Variants in CNKSR3 observed in about 807,000 individuals in gnomAD.
CNKSR3 encodes CNKSR family member 3.
CNKSR3 carries 36 observed loss-of-function variants against 67.7 expected under a neutral mutation model. The ratio of observed to expected loss-of-function variants is 0.53; its 90% CI spans 0.41 to 0.70. CNKSR3 has a LOEUF of 0.70. Ranked by LOEUF, CNKSR3 falls within the 30% of genes least tolerant of loss-of-function variation. The pLI is 0.00. For missense variants in CNKSR3, 630 were observed against 695.2 expected (o/e 0.91, Z 1.05); for synonymous variants, 281 against 271.4 (o/e 1.04, Z -0.35).
intron 1 of CNKSR3, among the ~76,000 whole-genome samples, chr6:154,464,075 T>TC (rs1786141350): frequency 1.3e-5 from 2 of 152,202 alleles, no homozygotes; most frequent in South Asian, 4.1e-4. Context: ...CATGATAAGA[T>TC]CATACGAGGC....
At chr6:154,448,197 G>GA (rs1582868941) in intron 2 of CNKSR3, among the ~76,000 whole-genome samples, 1 of 151,906 alleles carries the variant, frequency 6.6e-6, no homozygotes, top group East Asian at 1.9e-4. Context: ...TAGAGAAGAG[G>GA]AAAAAGCAAA....
At chr6:154,468,393 T>TACACACACACACACAC (rs55806681) in intron 1 of CNKSR3, among the ~76,000 whole-genome samples, 121 of 137,316 alleles carry the variant, frequency 8.8e-4, no homozygotes, top group African/African-American at 1.1e-3. Flanking sequence ...ATATATTTTA[T>TACACACACACACACAC]ACACACACAC....
chr6:154,428,175 T>G lies in CNKSR3; in HGVS notation c.682A>C (p.Lys228Gln). The part of the protein sequence containing the change: ...KPGEGLGMYI[K>Q]STYDGLHVIT... The stretch of plus-strand genomic sequence containing the variant: ...ACGTGTAACCCATCATAGGTTGATT[T>G]GATGTACATGCCCTGGAGTGAATCA... The change falls in exon 7 of 13, where the codon AAA (lysine) becomes CAA (glutamine). Residue 228 changes from lysine to glutamine, a missense_variant. Transcript: ENST00000607772. The G allele has an allele frequency of 6.2e-7, 1 of 1,608,536 alleles. No individual in the cohort carries two copies. The highest frequency in any genetic ancestry group is 8.5e-7 in the Non-Finnish European group (1 of 1,174,876).
chr6:154,448,447 A>AG (rs1310967147), intron 2 of CNKSR3, among the ~76,000 whole-genome samples: 2 of 151,750 alleles, frequency 1.3e-5, no homozygotes, highest in African/African-American at 4.8e-5. Flanking sequence ...AAAAAAAAAA[A>AG]AAAGAAAATA....
rs1784732747 is a variant in CNKSR3, at chr6:154,402,869, A to T, written c.*3485T>A. Reference sequence around the variant, plus strand: ...ATATTTATACACACACATACAAAGTATGTGCCCTGCTTAGTAGTTTAATTA... The same window carrying T: ...ATATTTATACACACACATACAAAGTTTGTGCCCTGCTTAGTAGTTTAATTA... On this transcript the variant is annotated 3_prime_UTR_variant, in exon 13 of 13. Coordinates refer to ENST00000607772, the MANE Select transcript of CNKSR3 (RefSeq NM_173515.4). 3 of 152,336 alleles carry T rather than the reference A, an allele frequency of 2.0e-5. No individual in the cohort carries two copies. The South Asian group carries it at 6.2e-4, about 32-fold the overall frequency. 9.4% of individuals were successfully genotyped at this position (152,336 alleles called of 1,614,324 possible).
intron 1 of CNKSR3, among the ~76,000 whole-genome samples, chr6:154,505,553 A>G (rs1166778583): frequency 6.7e-6 from 1 of 148,318 alleles, no homozygotes; most frequent in Non-Finnish European, 1.5e-5. Flanking sequence ...GCTGGAGTGC[A>G]GTGGCACGAT....
rs1378052118 is a variant in CNKSR3 at position 154,391,880 on chromosome 6, A to C, written c.*14474T>G. 2 of 152,064 alleles carry C rather than the reference A, an allele frequency of 1.3e-5. No individual in the cohort carries two copies. The highest frequency in any genetic ancestry group is 2.9e-5 in the Non-Finnish European group (2 of 68,018). 9.4% of individuals were successfully genotyped at this position (152,064 alleles called of 1,614,324 possible). On this transcript the variant is annotated 3_prime_UTR_variant, in exon 13 of 13. Coordinates refer to ENST00000607772, the MANE Select transcript of CNKSR3 (RefSeq NM_173515.4). Reference sequence around the variant, plus strand: ...TCTTTTCACATAAGTGTTGTGTCTAAATTATATATTTTTCAGTTTTACCTG... The same window carrying C: ...TCTTTTCACATAAGTGTTGTGTCTACATTATATATTTTTCAGTTTTACCTG...
In CNKSR3 at chr6:154,394,583, G is replaced by T. The variant is rs1261178033; in HGVS notation, c.*11771C>A. 7.4e-6 allele frequency: 1 copy of T among 135,614 alleles called. No homozygotes were observed. The highest frequency in any genetic ancestry group is 1.5e-5 in the Non-Finnish European group (1 of 64,692). The allele number at this position is 135,614 out of a possible 1,614,324, so 8.4% of individuals were successfully genotyped here. ...GTAAAGTCACTGAGATTTGGGGGTT[G>T]TTTGTTATAGCATGAGCCTAATACA... On this transcript the variant is annotated 3_prime_UTR_variant, in exon 13 of 13. Transcript: ENST00000607772.
chr6:154,505,934 C>T (rs77854506), intron 1 of CNKSR3, among the ~76,000 whole-genome samples: 1 of 152,254 alleles, frequency 6.6e-6, no homozygotes, highest in African/African-American at 2.4e-5. Context: ...AGCAGAAAAA[C>T]GACTTGTGGT....
At position 154,439,110 on chromosome 6, in the gene CNKSR3, C is replaced by T. The variant is rs182009722; in HGVS notation, c.507+2182G>A. ...CTTCTCAAGGAGGCGGCTCTAGGCACGTATCTCAAACTGTACTCCCCTCAC... is the reference window on the plus strand; with the variant it reads ...CTTCTCAAGGAGGCGGCTCTAGGCATGTATCTCAAACTGTACTCCCCTCAC... On this transcript the variant is annotated intron_variant, in intron 4 of 12. Transcript: ENST00000607772. Among the ~76,000 whole-genome samples, 22 of 152,290 alleles carry T rather than the reference C, an allele frequency of 1.4e-4. No homozygotes were observed. The East Asian group carries it at 3.3e-3, about 23-fold the overall frequency.
chr6:154,492,754 A>AAC (rs1407105148), intron 1 of CNKSR3, among the ~76,000 whole-genome samples: 1 of 150,800 alleles, frequency 6.6e-6, no homozygotes, highest in Non-Finnish European at 1.5e-5. Flanking sequence ...TCAAAAAAAA[A>AAC]AAAACAAAAA....
chr6:154,499,212 T>C (rs764440220), intron 1 of CNKSR3, among the ~76,000 whole-genome samples: 2 of 152,230 alleles, frequency 1.3e-5, no homozygotes, highest in Non-Finnish European at 2.9e-5. Flanking sequence ...ATGTCACCAC[T>C]GTCCTTACTG....
chr6:154,433,465 C>A lies in CNKSR3; in HGVS notation c.549+1G>T. 1 of 1,578,098 alleles carries A rather than the reference C, an allele frequency of 6.3e-7. No homozygotes were observed. Among genetic ancestry groups the A allele is most frequent in the Non-Finnish European group, 8.7e-7 (1 of 1,153,950 alleles). ...CAATAACTTTTAGAATGTATACTTA[C>A]CACAGTTAAAACTTTATCCTCCATT... On this transcript the variant is annotated splice_donor_variant, in intron 5 of 12. Transcript: ENST00000607772. LOFTEE classifies it high-confidence loss of function.
intron 12 of CNKSR3, among the ~76,000 whole-genome samples, chr6:154,407,734 G>A (rs923803096): frequency 6.6e-6 from 1 of 152,018 alleles, no homozygotes; most frequent in Non-Finnish European, 1.5e-5. Flanking sequence ...TTAGAGGCAT[G>A]AGCCACCACA....
intron 1 of CNKSR3, among the ~76,000 whole-genome samples, chr6:154,485,050 G>GATTTTA (rs1437794607): frequency 2.6e-5 from 4 of 152,098 alleles, no homozygotes; most frequent in African/African-American, 9.7e-5. Context: ...AATTAGCTTG[G>GATTTTA]ATTTTAACTT....
rs1040162573 is a variant in CNKSR3, at chr6:154,510,310, A to G, written c.-196T>C. 1.7e-6 allele frequency: 1 copy of G among 596,506 alleles called. No individual in the cohort carries two copies. The allele number at this position is 596,506 out of a possible 1,614,324, so 37.0% of individuals were successfully genotyped here. ...CAGGGGAGCCCGGCCCTCTCCCTCCAGCTGCCACAGTCCAGCTGCAGCTCC... is the reference window on the plus strand; with the variant it reads ...CAGGGGAGCCCGGCCCTCTCCCTCCGGCTGCCACAGTCCAGCTGCAGCTCC... On this transcript the variant is annotated 5_prime_UTR_variant, in exon 1 of 13. Transcript: ENST00000607772.
intron 1 of CNKSR3, among the ~76,000 whole-genome samples, chr6:154,461,987 C>T (rs1180105658): frequency 6.6e-6 from 1 of 152,148 alleles, no homozygotes; most frequent in Admixed American, 6.5e-5. Flanking sequence ...GGAAAAGGGC[C>T]GAAACGGCTG....
chr6:154,447,449 T>C (rs887343167), intron 2 of CNKSR3, among the ~76,000 whole-genome samples: 6 of 152,138 alleles, frequency 3.9e-5, no homozygotes, highest in Non-Finnish European at 7.4e-5. Context: ...CAGATTCTAA[T>C]TCAATCTGGG....
In CNKSR3 at chr6:154,422,576, C is replaced by G; in HGVS notation, c.875G>C (p.Arg292Pro). ...PTGVVLLLKKRPTGSFNFTPA... is the reference protein window; with the variant it reads ...PTGVVLLLKKPPTGSFNFTPA... ...AGTAAAGTTGAAAGACCCGGTGGGG[C>G]GCTTCTTAAGCAGTAACACAACTCC... The change falls in exon 9 of 13, where the codon CGC becomes CCC. Residue 292 changes from arginine (R) to proline (P), a missense_variant. Coordinates refer to ENST00000607772, the MANE Select transcript of CNKSR3 (RefSeq NM_173515.4). 6.2e-7 allele frequency: 1 copy of G among 1,613,888 alleles called. No homozygotes were observed. Among genetic ancestry groups the G allele is most frequent in the East Asian group, 2.2e-5 (1 of 44,872 alleles).
Sources: allele counts gnomAD v4.1 joint callset (sites outside exome capture counted in the v4.1 genomes callset), GRCh38; gene constraint gnomAD v4.1.1; transcripts MANE v1.5; gene names NCBI Gene and HGNC (gene_info 2026-07-23, HGNC 2026-07-21).